Variants in CA10 observed in about 807,000 individuals in gnomAD.
The protein encoded by CA10 is carbonic anhydrase 10 (inactive), also known as carbonic anhydrase-related protein 10.
Under a neutral mutation model 44.2 loss-of-function variants are expected in CA10, and 14 were observed. That is an observed-to-expected ratio of 0.32 (90% CI 0.21 to 0.50). CA10 has a LOEUF of 0.50. CA10 is among the 20% of genes least tolerant of loss of function. The probability of loss-of-function intolerance (pLI) is 0.99; values close to 1 mark genes in which losing one functional copy is unlikely to be tolerated. For synonymous variants in CA10, 159 were observed against 141.6 expected, an observed-to-expected ratio of 1.12 and a Z score of -0.87; for missense variants, 350 against 409.7, an observed-to-expected ratio of 0.85 and a Z score of 1.26.
chr17:51,902,565 A>C (rs1981365356), intron 3 of CA10, among the ~76,000 whole-genome samples: 1 of 152,172 alleles, frequency 6.6e-6, no homozygotes, highest in South Asian at 2.1e-4. Flanking sequence ...CACAGAACAC[A>C]ATCTTAACTC....
chr17:51,995,215 T>C (rs1038395595), intron 2 of CA10, among the ~76,000 whole-genome samples: 11 of 152,160 alleles, frequency 7.2e-5, no homozygotes, highest in Admixed American at 6.6e-4. Flanking sequence ...TCTCAAGTTA[T>C]AAAATATTTG....
At position 51,879,954 on chromosome 17, in the gene CA10, C is replaced by T. The variant is rs73989439; in HGVS notation, c.279+51036G>A. On this transcript the variant is annotated intron_variant, in intron 3 of 8. Transcript: ENST00000451037. ...GGCCTAGGTGACTCAGGAGGAAGTG[C>T]CCCTCCAAGGGTTAGCCAATTCCTA... Among the ~76,000 whole-genome samples, 1,043 of 152,248 alleles carry T rather than the reference C, an allele frequency of 6.9e-3. 14 individuals carry two copies. The highest frequency in any genetic ancestry group is 0.023 in the African/African-American group (970 of 41,528).
At position 51,930,859 on chromosome 17, in the gene CA10, AGGTCTG is replaced by A. The variant is rs2143993434; in HGVS notation, c.279+125_279+130del. On this transcript the variant is annotated intron_variant, in intron 3 of 8. Coordinates refer to ENST00000451037, the MANE Select transcript of CA10 (RefSeq NM_020178.5). ...AGACATATTTCTATCTAATGGCGGC[AGGTCTG>A]AAGTCTGTGGTATTCCTAGGTGGGA... 2.1e-5 allele frequency: 21 copies of A among 999,440 alleles called. No individual in the cohort carries two copies. In the South Asian group the frequency reaches 3.4e-4, roughly 16 times the overall value. 61.9% of individuals were successfully genotyped at this position (999,440 alleles called of 1,614,324 possible). A position where few individuals can be genotyped will look rare whatever the true frequency, so the allele number is the denominator to read the frequency against.
chr17:51,936,268 G>A (rs2144006167), intron 2 of CA10, among the ~76,000 whole-genome samples: 1 of 152,246 alleles, frequency 6.6e-6, no homozygotes, highest in African/African-American at 2.4e-5. Context: ...GAATCTTGCA[G>A]GCTAGTGGGA....
intron 4 of CA10, among the ~76,000 whole-genome samples, chr17:51,727,913 G>A (rs1916584668): frequency 6.6e-6 from 1 of 151,724 alleles, no homozygotes; most frequent in South Asian, 2.1e-4. Context: ...TTAAGGACGG[G>A]GTCTCACTGT....
intron 3 of CA10, among the ~76,000 whole-genome samples, chr17:51,871,553 T>C (rs11655055): frequency 0.1 from 14,937 of 149,926 alleles, 922 homozygotes; most frequent in African/African-American, 0.18. Flanking sequence ...CCTGGGTAAT[T>C]TTTGTATTTT....
rs575047076 is a variant in CA10, at chr17:51,671,565, T to C, written c.466-17829A>G. ...GACTATAGGTGCCCGCCACCACGCCTGGCTAATTTTTTGTATTTTTAGTAA... is the reference window on the plus strand; with the variant it reads ...GACTATAGGTGCCCGCCACCACGCCCGGCTAATTTTTTGTATTTTTAGTAA... On this transcript the variant is annotated intron_variant, in intron 4 of 8. Coordinates refer to ENST00000451037, the MANE Select transcript of CA10 (RefSeq NM_020178.5). 3.3e-5 allele frequency among the ~76,000 whole-genome samples: 5 copies of C among 152,106 alleles called. No individual in the cohort carries two copies. The South Asian group carries it at 1.0e-3, about 32-fold the overall frequency.
At chr17:51,677,888 C>T (rs764204570) in intron 4 of CA10, among the ~76,000 whole-genome samples, 1 of 35,390 alleles carries the variant, frequency 2.8e-5, no homozygotes, top group Non-Finnish European at 1.1e-4. Flanking sequence ...GGTATACACC[C>T]CCCCCCCCAC....
At chr17:52,067,186 G>C (rs556575647) in intron 2 of CA10, among the ~76,000 whole-genome samples, 2 of 152,234 alleles carry the variant, frequency 1.3e-5, no homozygotes, top group Non-Finnish European at 2.9e-5. Context: ...GCCTGGAAGA[G>C]AAAGTAGTTT....
At chr17:51,989,516 A>T (rs1984965582) in intron 2 of CA10, among the ~76,000 whole-genome samples, 1 of 152,114 alleles carries the variant, frequency 6.6e-6, no homozygotes, top group African/African-American at 2.4e-5. Context: ...TGTTCATTGC[A>T]GCACTATTCA....
chr17:52,026,830 A>T (rs1409338728), intron 2 of CA10, among the ~76,000 whole-genome samples: 1 of 152,068 alleles, frequency 6.6e-6, no homozygotes, highest in Non-Finnish European at 1.5e-5. Context: ...ACAATTCAAT[A>T]GGAGATTTGG....
At chr17:51,836,685 T>G (rs927616896) in intron 3 of CA10, among the ~76,000 whole-genome samples, 2 of 152,230 alleles carry the variant, frequency 1.3e-5, no homozygotes, top group Non-Finnish European at 2.9e-5. Context: ...TTTGGACACC[T>G]TTGTTAAGGA....
chr17:51,801,279 A>G (rs758861031), intron 3 of CA10, among the ~76,000 whole-genome samples: 3 of 152,128 alleles, frequency 2.0e-5, no homozygotes, highest in Non-Finnish European at 4.4e-5. Flanking sequence ...CTAACGGACA[A>G]TAGGATGCAT....
chr17:52,025,166 T>G (rs1399422633), intron 2 of CA10, among the ~76,000 whole-genome samples: 1 of 152,138 alleles, frequency 6.6e-6, no homozygotes, highest in Non-Finnish European at 1.5e-5. Context: ...TGATATTTAC[T>G]GCTTTTAAAT....
Position 51,854,120 on chromosome 17 carries a change from G to A in CA10, c.279+76870C>T, listed in dbSNP as rs144956411. 8.9e-3 allele frequency among the ~76,000 whole-genome samples: 1,360 copies of A among 152,222 alleles called. 8 individuals carry two copies. Among genetic ancestry groups the A allele is most frequent in the Middle Eastern group, 0.014 (4 of 294 alleles). ...CACGGATGAGAGGCACCTTCATCTC[G>A]CCAAGATTCTCAGGGAATGATCAGC... is the stretch of plus-strand genomic sequence containing the variant. On this transcript the variant is annotated intron_variant, in intron 3 of 8. Coordinates refer to ENST00000451037, the MANE Select transcript of CA10 (RefSeq NM_020178.5).
chr17:52,023,770 C>T (rs1986213537), intron 2 of CA10, among the ~76,000 whole-genome samples: 1 of 151,410 alleles, frequency 6.6e-6, no homozygotes, highest in African/African-American at 2.4e-5. Flanking sequence ...CTTAAACAAT[C>T]CAACAAGCAA....
In CA10 at chr17:52,090,191, A is replaced by G. The variant is rs139277462; in HGVS notation, c.62-17798T>C. On this transcript the variant is annotated intron_variant, in intron 1 of 8. Transcript: ENST00000451037. ...AAGATAGAGATCAGTGAGAATCTTC[A>G]TAGTTCAAAAGTGATAGGCCAAGTA... 3.7e-3 allele frequency among the ~76,000 whole-genome samples: 557 copies of G among 152,326 alleles called. 6 individuals are homozygous for G. The highest frequency in any genetic ancestry group is 0.029 in the South Asian group (142 of 4,832).
intron 2 of CA10, among the ~76,000 whole-genome samples, chr17:51,984,035 A>G (rs1984743236): frequency 6.6e-6 from 1 of 151,800 alleles, no homozygotes; most frequent in Non-Finnish European, 1.5e-5. Context: ...GTATTTGATT[A>G]TCTTCCCCAA....
chr17:51,902,861 G>T (rs953793349), intron 3 of CA10, among the ~76,000 whole-genome samples: 1 of 152,180 alleles, frequency 6.6e-6, no homozygotes, highest in Non-Finnish European at 1.5e-5. Flanking sequence ...GTAGCTTATA[G>T]TGGGGAAGCA....
Sources: gnomAD v4.1 joint callset for allele counts (sites outside exome capture counted in the v4.1 genomes callset) on GRCh38, gnomAD v4.1.1 for gene constraint, MANE v1.5 for transcripts, NCBI Gene and HGNC (gene_info 2026-07-23, HGNC 2026-07-21) for gene names.